Variants in KCNAB2 observed in about 807,000 individuals in gnomAD.
KCNAB2 encodes voltage-gated potassium channel subunit beta-2.
KCNAB2 carries 29 observed loss-of-function variants against 63.6 expected under a neutral mutation model. The observed-to-expected ratio is 0.46, with a 90% CI of 0.34 to 0.62. The LOEUF (loss-of-function observed/expected upper bound fraction) is 0.62. KCNAB2 is among the 20% of genes least tolerant of loss of function. The pLI is 0.01. For synonymous variants in KCNAB2, 222 were observed against 224.2 expected, an observed-to-expected ratio of 0.99 and a Z score of 0.09; for missense variants, 359 against 563.9, an observed-to-expected ratio of 0.64 and a Z score of 3.68.
chr1:5,996,799 G>A (rs112247827), intron 1 of KCNAB2, among the ~76,000 whole-genome samples: 2,267 of 152,292 alleles, frequency 0.015, 54 homozygotes, highest in African/African-American at 0.052. Context: ...CCGAGCAGCC[G>A]AGATCTATCA....
chr1:6,091,314 A>T lies in KCNAB2; in HGVS notation c.646+7A>T, dbSNP rs1268936348. On this transcript the variant is annotated splice_region_variant and intron_variant, in intron 10 of 15. Transcript: ENST00000378083. ...AGGACATTCATCATAGAAGGTACAC[A>T]GTGCCCCCAGCCTGACTATTGACTT... The T allele has an allele frequency of 1.3e-6, 2 of 1,525,986 alleles. No homozygotes were observed. The allele number at this position is 1,525,986 out of a possible 1,614,324, so 94.5% of individuals were successfully genotyped here.
At chr1:6,097,764 A>G (rs1665771400) in intron 15 of KCNAB2, 2 of 426,588 alleles carry the variant, frequency 4.7e-6, no homozygotes, top group South Asian at 5.8e-5. Context: ...ACCAGCAGGA[A>G]GAGTTGATGC....
In KCNAB2 at chr1:6,073,864, C is replaced by G. The variant is rs1296965931; in HGVS notation, c.300+94C>G. 1 of 1,317,522 alleles carries G rather than the reference C, an allele frequency of 7.6e-7. No individual in the cohort carries two copies. Among genetic ancestry groups the G allele is most frequent in the Non-Finnish European group, 1.1e-6 (1 of 913,832 alleles). The allele number at this position is 1,317,522 out of a possible 1,614,324, so 81.6% of individuals were successfully genotyped here. On this transcript the variant is annotated intron_variant, in intron 4 of 15. Coordinates refer to ENST00000378083, the MANE Select transcript of KCNAB2 (RefSeq NM_001199862.2). This position sits in a 1 kb window ranked among gnomAD's most constrained non-coding sequence, Gnocchi z 5.7. ...CGCGTGGACCAGTGAGCACGTGCTCCCGGGAGCCAGCGCAGCAGCCTCCCT... is the reference window on the plus strand; with the variant it reads ...CGCGTGGACCAGTGAGCACGTGCTCGCGGGAGCCAGCGCAGCAGCCTCCCT...
chr1:6,084,694 T>C (rs992768402), intron 5 of KCNAB2, among the ~76,000 whole-genome samples: 4 of 151,944 alleles, frequency 2.6e-5, no homozygotes, highest in Non-Finnish European at 2.9e-5. Flanking sequence ...CAGGTGCCTG[T>C]AGTCCCAGCT....
At position 6,090,407 on chromosome 1, in the gene KCNAB2, A is replaced by G; in HGVS notation, c.533A>G (p.Glu178Gly). 1 of 1,613,818 alleles carries G rather than the reference A, an allele frequency of 6.2e-7. No individual in the cohort carries two copies. The highest frequency in any genetic ancestry group is 1.7e-4 in the Middle Eastern group (1 of 6,056). ...CCCCCAGGTCTGAAAGCTTCCCTGGAGCGACTGCAGCTGGAGTACGTGGAT... is the reference window on the plus strand; with the variant it reads ...CCCCCAGGTCTGAAAGCTTCCCTGGGGCGACTGCAGCTGGAGTACGTGGAT... ...HIIEGLKASL[E>G]RLQLEYVDVV... is the part of the protein sequence containing the mutation. The change falls in exon 9 of 16, where the codon GAG (glutamate) becomes GGG (glycine). Residue 178 changes from glutamate to glycine, a missense_variant. Transcript: ENST00000378083.
chr1:6,059,927 C>T (rs1662164236), intron 2 of KCNAB2, among the ~76,000 whole-genome samples: 1 of 152,200 alleles, frequency 6.6e-6, no homozygotes. Context: ...CAAGCACAGT[C>T]CACTCAGCCC....
chr1:6,093,908 A>G (rs1355269040), intron 10 of KCNAB2, among the ~76,000 whole-genome samples: 2 of 152,296 alleles, frequency 1.3e-5, no homozygotes, highest in South Asian at 2.1e-4. Flanking sequence ...CTCTGTTCCA[A>G]TTAGACTTTG....
At chr1:6,088,232 CTTTT>C (rs70981312) in intron 7 of KCNAB2, among the ~76,000 whole-genome samples, 5 of 119,106 alleles carry the variant, frequency 4.2e-5, no homozygotes, top group Admixed American at 1.7e-4. Flanking sequence ...CTCTCTCTCT[CTTTT>C]TTTTTTTTTT....
intron 1 of KCNAB2, among the ~76,000 whole-genome samples, chr1:5,998,917 A>C (rs1461930446): frequency 6.6e-6 from 1 of 152,202 alleles, no homozygotes; most frequent in Non-Finnish European, 1.5e-5. Flanking sequence ...TGACCTTTGG[A>C]CTTTGCCGCC....
At chr1:6,093,856 A>T (rs1246273845) in intron 10 of KCNAB2, among the ~76,000 whole-genome samples, 1 of 152,176 alleles carries the variant, frequency 6.6e-6, no homozygotes, top group Non-Finnish European at 1.5e-5. Flanking sequence ...CCGGGACCAT[A>T]TGGCGCCCCA....
At chr1:6,039,730 T>C (rs1304629694) in intron 1 of KCNAB2, among the ~76,000 whole-genome samples, 1 of 152,138 alleles carries the variant, frequency 6.6e-6, no homozygotes, top group Non-Finnish European at 1.5e-5. Context: ...GGCTCCCTCG[T>C]TCGTTTGAAG....
chr1:6,045,003 G>A (rs1660799807), upstream of KCNAB2, among the ~76,000 whole-genome samples: 2 of 152,282 alleles, frequency 1.3e-5, no homozygotes, highest in South Asian at 2.1e-4. This position sits in a 1 kb window ranked among gnomAD's most constrained non-coding sequence, Gnocchi z 4.8. Context: ...CGACCAGGGC[G>A]ACATGTGGGG....
chr1:6,050,283 C>G (rs1458655171), intron 1 of KCNAB2, among the ~76,000 whole-genome samples: 1 of 152,240 alleles, frequency 6.6e-6, no homozygotes, highest in East Asian at 1.9e-4. Context: ...GGTGACTTCC[C>G]CTCTGCACCT....
chr1:6,044,828 C>T (rs1321568479), upstream of KCNAB2, among the ~76,000 whole-genome samples: 1 of 152,042 alleles, frequency 6.6e-6, no homozygotes, highest in African/African-American at 2.4e-5. Flanking sequence ...GGGTGCAGGG[C>T]CTGAAAAAAG....
At chr1:5,999,927 G>A (rs1028297225) in intron 1 of KCNAB2, among the ~76,000 whole-genome samples, 5 of 142,838 alleles carry the variant, frequency 3.5e-5, no homozygotes, top group African/African-American at 8.1e-5. Flanking sequence ...TGCCCCGTCC[G>A]CATCCCGCCT....
intron 2 of KCNAB2, among the ~76,000 whole-genome samples, 168 bp downstream of exon 2, chr1:6,051,922 G>T (rs1661430562): frequency 6.6e-6 from 1 of 152,054 alleles, no homozygotes; most frequent in African/African-American, 2.4e-5. Context: ...TGGCCAACCT[G>T]GTGAAACACC....
chr1:6,040,759 A>C, intron 2 of KCNAB2: 1 of 653,266 alleles, frequency 1.5e-6, no homozygotes, highest in Non-Finnish European at 2.7e-6. Flanking sequence ...AGCAGGGCCC[A>C]CAGGCTTCTG....
chr1:6,000,697 G>A (rs1311660419), intron 1 of KCNAB2, among the ~76,000 whole-genome samples: 1 of 151,586 alleles, frequency 6.6e-6, no homozygotes, highest in Non-Finnish European at 1.5e-5. Context: ...CTGGGAGAAA[G>A]GGGCCTGTTT....
At chr1:6,016,906 C>A (rs1044665098) in intron 1 of KCNAB2, among the ~76,000 whole-genome samples, 1 of 152,146 alleles carries the variant, frequency 6.6e-6, no homozygotes, top group Non-Finnish European at 1.5e-5. Context: ...GTTATGAAAG[C>A]GGATTTGTGT....
Sources: gnomAD v4.1 joint callset for allele counts (sites outside exome capture counted in the v4.1 genomes callset) on GRCh38, gnomAD v4.1.1 for gene constraint, Gnocchi (gnomAD v3.1) non-coding constraint, MANE v1.5 for transcripts, NCBI Gene and HGNC (gene_info 2026-07-23, HGNC 2026-07-21) for gene names.